Variants in RTN4IP1 observed in about 807,000 individuals in gnomAD.
RTN4IP1 encodes reticulon 4 interacting protein 1, also known as NAD(P)H oxidoreductase RTN4IP1, mitochondrial.
RTN4IP1 carries 32 observed loss-of-function variants against 46.6 expected under a neutral mutation model. That is an observed-to-expected ratio of 0.69 (90% CI 0.52 to 0.92). The LOEUF (loss-of-function observed/expected upper bound fraction) is 0.92. RTN4IP1 is among the 40% of genes least tolerant of loss of function. The pLI is 0.00. For missense variants in RTN4IP1, 424 were observed against 485.8 expected, an observed-to-expected ratio of 0.87 and a Z score of 1.20; for synonymous variants, 167 against 161.8, an observed-to-expected ratio of 1.03 and a Z score of -0.24.
chr6:106,592,019 C>G, intron 6 of RTN4IP1, 145 bp downstream of exon 6: 3 of 801,622 alleles, frequency 3.7e-6, no homozygotes, highest in South Asian at 2.1e-5. Context: ...AGAAGCCAAC[C>G]TAAGTAACTT....
intron 4 of RTN4IP1, among the ~76,000 whole-genome samples, chr6:106,604,156 C>A (rs1344452498): frequency 6.6e-6 from 1 of 152,148 alleles, no homozygotes; most frequent in Non-Finnish European, 1.5e-5. Flanking sequence ...CTATCTATAA[C>A]CTTCACCCTA....
At position 106,622,580 on chromosome 6, in the gene RTN4IP1, G is replaced by A. The variant is rs183539946; in HGVS notation, c.426+238C>T. Among the ~76,000 whole-genome samples the A allele has an allele frequency of 7.9e-5, 12 of 152,266 alleles. No homozygotes were observed. In the East Asian group the frequency reaches 9.6e-4, roughly 12 times the overall value. ...CTCTACTGCTGCAGAGGCAGGGCAC[G>A]GTCGGCAATGTTAATTACCCTCTAG... On this transcript the variant is annotated intron_variant, in intron 2 of 8. Transcript: ENST00000369063.
intron 5 of RTN4IP1, among the ~76,000 whole-genome samples, chr6:106,596,530 C>T (rs749677405): frequency 2.0e-5 from 3 of 152,200 alleles, no homozygotes; most frequent in Non-Finnish European, 4.4e-5. Flanking sequence ...TTGCAGTGAG[C>T]TGTGATCATG....
At chr6:106,588,384 C>T (rs911668332) in intron 6 of RTN4IP1, among the ~76,000 whole-genome samples, 1 of 152,154 alleles carries the variant, frequency 6.6e-6, no homozygotes, top group African/African-American at 2.4e-5. Context: ...GAATGATTTG[C>T]TTTTATTCTC....
intron 1 of RTN4IP1, among the ~76,000 whole-genome samples, chr6:106,624,301 G>C (rs942310272): frequency 6.6e-6 from 1 of 151,946 alleles, no homozygotes; most frequent in Admixed American, 6.6e-5. Context: ...TGATCCGCCC[G>C]CCTCGGCCTC....
chr6:106,578,030 G>C (rs1465175894), intron 8 of RTN4IP1, among the ~76,000 whole-genome samples: 1 of 152,116 alleles, frequency 6.6e-6, no homozygotes, highest in East Asian at 1.9e-4. Flanking sequence ...GCATATATAA[G>C]CAAATATGTA....
At position 106,589,275 on chromosome 6, in the gene RTN4IP1, A is replaced by AGGG. The variant is rs1775586174; in HGVS notation, c.807-1414_807-1413insCCC. Among the ~76,000 whole-genome samples the AGGG allele has an allele frequency of 4.7e-4, 3 of 6,418 alleles. No individual in the cohort carries two copies. In the South Asian group the frequency reaches 0.039, roughly 84 times the overall value. The allele number at this position is 6,418 out of a possible 152,430, so 4.2% of individuals were successfully genotyped here. On this transcript the variant is annotated intron_variant, in intron 6 of 8. Coordinates refer to ENST00000369063, the MANE Select transcript of RTN4IP1 (RefSeq NM_032730.5). ...GAAGGAGGAGGAGAAGGAGAAGAAG[A>AGGG]AGGAGAAGAAGAAAGAGAAGAAGAA... is the stretch of plus-strand genomic sequence containing the variant.
At position 106,619,182 on chromosome 6, in the gene RTN4IP1, CCACTGACTGATA is replaced by C; in HGVS notation, c.620+8_620+19del. The C allele has an allele frequency of 6.2e-7, 1 of 1,613,340 alleles. No individual in the cohort carries two copies. The highest frequency in any genetic ancestry group is 8.5e-7 in the Non-Finnish European group (1 of 1,179,606). ...GGAAAGAAAAGAGGTTTAGATGCTG[CCACTGACTGATA>C]CACTTACCGTTTTCCTGTGCAATTC... On this transcript the variant is annotated splice_region_variant and intron_variant, in intron 4 of 8. Coordinates refer to ENST00000369063, the MANE Select transcript of RTN4IP1 (RefSeq NM_032730.5).
rs11153011 is a variant in RTN4IP1, at chr6:106,597,807, C to G, written c.669+5067G>C. Among the ~76,000 whole-genome samples the G allele has an allele frequency of 2.1e-3, 314 of 151,784 alleles. 1 individual carries two copies. Among genetic ancestry groups the G allele is most frequent in the African/African-American group, 7.0e-3 (291 of 41,298 alleles). On this transcript the variant is annotated intron_variant, in intron 5 of 8. Transcript: ENST00000369063. ...TGCGCTGCACCCACTAACTCGTCAT[C>G]TAGCATTAGGTATATCTCCCAACGC...
chr6:106,595,623 G>A lies in RTN4IP1; in HGVS notation c.670-3323C>T, dbSNP rs112305878. On this transcript the variant is annotated intron_variant, in intron 5 of 8. Coordinates refer to ENST00000369063, the MANE Select transcript of RTN4IP1 (RefSeq NM_032730.5). Reference sequence around the variant, plus strand: ...AGCAATTCTCCTGCCTCAGCCTCCCGAGTAGCTGAGATTACAGGTGCCCAC... The same window carrying A: ...AGCAATTCTCCTGCCTCAGCCTCCCAAGTAGCTGAGATTACAGGTGCCCAC... 3.0e-3 allele frequency among the ~76,000 whole-genome samples: 457 copies of A among 150,558 alleles called. 4 individuals carry two copies. The highest frequency in any genetic ancestry group is 0.01 in the African/African-American group (429 of 41,128).
intron 4 of RTN4IP1, among the ~76,000 whole-genome samples, chr6:106,614,868 T>C (rs912815797): frequency 6.6e-6 from 1 of 152,190 alleles, no homozygotes; most frequent in Non-Finnish European, 1.5e-5. Flanking sequence ...CCTCACGAGA[T>C]AGTTAACCTA....
intron 4 of RTN4IP1, among the ~76,000 whole-genome samples, chr6:106,616,403 G>C (rs1776357875): frequency 6.6e-6 from 1 of 152,066 alleles, no homozygotes. Context: ...CAAATAAGCT[G>C]TTTGTTATAA....
chr6:106,628,702 A>C, intron 1 of RTN4IP1, 46 bp downstream of exon 1: 2 of 1,544,854 alleles, frequency 1.3e-6, no homozygotes, highest in Non-Finnish European at 1.8e-6. Flanking sequence ...ATACCTTATG[A>C]AAGTGATTTT....
intron 8 of RTN4IP1, 119 bp downstream of exon 8, chr6:106,583,209 A>G: frequency 2.8e-6 from 2 of 717,532 alleles, no homozygotes; most frequent in Admixed American, 5.4e-5. Flanking sequence ...AAGGCAGCAC[A>G]AGGTCAGGTG....
At chr6:106,619,838 C>G (rs1776443050) in intron 3 of RTN4IP1, among the ~76,000 whole-genome samples, 1 of 151,872 alleles carries the variant, frequency 6.6e-6, no homozygotes, top group African/African-American at 2.4e-5. Flanking sequence ...GTCTCGATCT[C>G]CTGACCTCGT....
chr6:106,630,241 T>G (rs530287884), upstream of RTN4IP1, among the ~76,000 whole-genome samples: 29 of 152,328 alleles, frequency 1.9e-4, no homozygotes, highest in South Asian at 2.7e-3. Flanking sequence ...TTGTGAATGC[T>G]TTCTGGGCAG....
intron 1 of RTN4IP1, 102 bp downstream of exon 1, chr6:106,628,646 T>C: frequency 9.0e-7 from 1 of 1,107,514 alleles, no homozygotes; most frequent in Non-Finnish European, 1.3e-6. Context: ...ACCTAAATGA[T>C]TCATTTATGT....
At chr6:106,586,131 C>A (rs896612302) in intron 7 of RTN4IP1, among the ~76,000 whole-genome samples, 1 of 152,114 alleles carries the variant, frequency 6.6e-6, no homozygotes, top group Non-Finnish European at 1.5e-5. Flanking sequence ...CTCTTTGTTA[C>A]GACCTCTAAG....
At chr6:106,575,683 CAGT>C (rs1274757843) in intron 8 of RTN4IP1, among the ~76,000 whole-genome samples, 1 of 152,180 alleles carries the variant, frequency 6.6e-6, no homozygotes, top group African/African-American at 2.4e-5. Context: ...AATCACAAAA[CAGT>C]AGAGTTAACA....
Sources: gnomAD v4.1 joint callset for allele counts (sites outside exome capture counted in the v4.1 genomes callset) on GRCh38, gnomAD v4.1.1 for gene constraint, MANE v1.5 for transcripts, NCBI Gene and HGNC (gene_info 2026-07-23, HGNC 2026-07-21) for gene names.